Variants in C2CD2 observed in about 807,000 individuals in gnomAD.
C2CD2 encodes the protein C2 domain-containing protein 2.
In C2CD2, 43 loss-of-function variants were observed where a neutral mutation model predicts 74.3. The ratio of observed to expected loss-of-function variants is 0.58; its 90% confidence interval spans 0.45 to 0.75. The LOEUF (loss-of-function observed/expected upper bound fraction) is 0.75. C2CD2 is among the 30% of genes least tolerant of loss of function. C2CD2 has a pLI of 0.00. For missense variants in C2CD2, 801 were observed against 916.3 expected (o/e 0.87, Z 1.63); for synonymous variants, 422 against 390.7 (o/e 1.08, Z -0.94).
At chr21:41,948,870 CTTTTTTT>C (rs967927171) in intron 1 of C2CD2, among the ~76,000 whole-genome samples, 2 of 80,684 alleles carry the variant, frequency 2.5e-5, no homozygotes, top group African/African-American at 4.3e-5. Context: ...CACACAGCAT[CTTTTTTT>C]TTTTTTTTTT....
rs1448353989 is a variant in C2CD2, at chr21:41,945,200, T to C, written c.280-2955A>G. 6.6e-6 allele frequency among the ~76,000 whole-genome samples: 1 copy of C among 152,216 alleles called. No homozygotes were observed. The highest frequency in any genetic ancestry group is 1.5e-5 in the Non-Finnish European group (1 of 68,040). On this transcript the variant is annotated intron_variant, in intron 1 of 13. Coordinates refer to ENST00000380486, the MANE Select transcript of C2CD2 (RefSeq NM_015500.2). The surrounding 1 kb of genome is among the most constrained non-coding windows in gnomAD (Gnocchi z 4.2). ...AGTGAAAAAACTAAAATGAACTCTGTACCGTTGGACTAGAACCCAAGGTAC... is the reference window on the plus strand; with the variant it reads ...AGTGAAAAAACTAAAATGAACTCTGCACCGTTGGACTAGAACCCAAGGTAC...
chr21:41,909,480 C>T lies in C2CD2; in HGVS notation c.997G>A (p.Glu333Lys). 1 of 1,613,788 alleles carries T rather than the reference C, an allele frequency of 6.2e-7. No individual in the cohort carries two copies. The highest frequency in any genetic ancestry group is 8.5e-7 in the Non-Finnish European group (1 of 1,179,706). Residue 333 changes from glutamate (E) to lysine (K), a missense_variant, in exon 8 of 14, where the codon GAG (glutamate) becomes AAG (lysine). Glu to Lys is a moderately conservative substitution (Grantham distance 56). Coordinates refer to ENST00000380486, the MANE Select transcript of C2CD2 (RefSeq NM_015500.2). The stretch of plus-strand genomic sequence containing the variant: ...CCACCTTCTGAGGATCGCCCAGCCT[C>T]TGAAATCTGCAGGTGTAACTCCTTC... ...KSKELHLQISEAGRSSEGLLA... is the reference protein window; with the variant it reads ...KSKELHLQISKAGRSSEGLLA...
chr21:41,910,479 T>C (rs1205010831), intron 7 of C2CD2, among the ~76,000 whole-genome samples: 1 of 152,180 alleles, frequency 6.6e-6, no homozygotes, highest in Non-Finnish European at 1.5e-5. Flanking sequence ...ACACCTCCAA[T>C]GCCATTATCA....
chr21:41,902,793 C>CA (rs11284396), intron 11 of C2CD2, among the ~76,000 whole-genome samples: 1,477 of 145,768 alleles, frequency 0.01, 27 homozygotes, highest in African/African-American at 0.034. Context: ...GCACAGAGAA[C>CA]AAAAAAAAAA....
intron 2 of C2CD2, among the ~76,000 whole-genome samples, chr21:41,931,203 T>C (rs2065258512): frequency 6.6e-6 from 1 of 150,438 alleles, no homozygotes; most frequent in Non-Finnish European, 1.5e-5. Flanking sequence ...CACTGGAGCC[T>C]GCTCACAGCA....
At chr21:41,912,619 T>C (rs935254932) in intron 6 of C2CD2, among the ~76,000 whole-genome samples, 179 bp from the exon 7 acceptor site, 3 of 152,056 alleles carry the variant, frequency 2.0e-5, no homozygotes, top group Non-Finnish European at 4.4e-5. Flanking sequence ...GCTTCCCGAG[T>C]ATCTGGGATT....
In C2CD2 at chr21:41,953,295, CT is replaced by C. The variant is rs1480116501; in HGVS notation, c.279+74del. 5 of 1,054,654 alleles carry C rather than the reference CT, an allele frequency of 4.7e-6. No individual in the cohort carries two copies. In the Admixed American group the frequency reaches 1.2e-4, roughly 26 times the overall value. The allele number at this position is 1,054,654 out of a possible 1,614,324, so 65.3% of individuals were successfully genotyped here. A position where few individuals can be genotyped will look rare whatever the true frequency, so the allele number is the denominator to read the frequency against. ...CCTGGGTCAGGGGCTGCAGCGACGCCTCCAGGAAAGACCTCGGCCCGGACCG... is the reference window on the plus strand; with the variant it reads ...CCTGGGTCAGGGGCTGCAGCGACGCCCCAGGAAAGACCTCGGCCCGGACCG... On this transcript the variant is annotated intron_variant, in intron 1 of 13. Coordinates refer to ENST00000380486, the MANE Select transcript of C2CD2 (RefSeq NM_015500.2).
rs201890606 is a variant in C2CD2, at chr21:41,895,833, G to GA, written c.1870+3219dup. Among the ~76,000 whole-genome samples, 270 of 147,614 alleles carry GA rather than the reference G, an allele frequency of 1.8e-3. 3 individuals are homozygous for GA. The highest frequency in any genetic ancestry group is 4.3e-3 in the African/African-American group (174 of 40,374). On this transcript the variant is annotated intron_variant, in intron 13 of 13. Coordinates refer to ENST00000380486, the MANE Select transcript of C2CD2 (RefSeq NM_015500.2). This position sits in a 1 kb window ranked among gnomAD's most constrained non-coding sequence, Gnocchi z 5.0. The stretch of plus-strand genomic sequence containing the variant: ...CCAGCAGAAAGAAAAACAATGACCA[G>GA]AAAAAAAAAACAATTGTCTTTGGCT...
chr21:41,934,993 G>A (rs1433044184), intron 2 of C2CD2, among the ~76,000 whole-genome samples: 1 of 152,172 alleles, frequency 6.6e-6, no homozygotes, highest in East Asian at 1.9e-4. Flanking sequence ...CCAGGTTCAA[G>A]CAATTCTCCT....
intron 7 of C2CD2, among the ~76,000 whole-genome samples, chr21:41,911,388 C>CT (rs58934224): frequency 0.046 from 5,350 of 116,738 alleles, 250 homozygotes; most frequent in South Asian, 0.098. Flanking sequence ...TATCTCGATT[C>CT]TTTTTTTTTT....
chr21:41,916,266 T>A (rs909699610), intron 5 of C2CD2, among the ~76,000 whole-genome samples: 1 of 152,136 alleles, frequency 6.6e-6, no homozygotes, highest in African/African-American at 2.4e-5. Context: ...TGCCCAGATA[T>A]CTGGTCCAAC....
At chr21:41,933,305 C>T (rs1177383785) in intron 2 of C2CD2, among the ~76,000 whole-genome samples, 2 of 133,842 alleles carry the variant, frequency 1.5e-5, no homozygotes, top group Non-Finnish European at 3.5e-5. Flanking sequence ...TGAGGGAACA[C>T]GAGGCGGTGC....
At position 41,926,103 on chromosome 21, in the gene C2CD2, C is replaced by G. The variant is rs2065208365; in HGVS notation, c.379-4018G>C. 6.6e-6 allele frequency among the ~76,000 whole-genome samples: 1 copy of G among 152,168 alleles called. No homozygotes were observed. The highest frequency in any genetic ancestry group is 1.5e-5 in the Non-Finnish European group (1 of 68,034). ...CAGTGACAGTGAACTCCTCAGAGGA[C>G]AGGAGTGAACCCCCAGCCCCAGGGA... On this transcript the variant is annotated intron_variant, in intron 2 of 13. Transcript: ENST00000380486. This position sits in a 1 kb window ranked among gnomAD's most constrained non-coding sequence, Gnocchi z 8.0.
intron 13 of C2CD2, among the ~76,000 whole-genome samples, chr21:41,893,170 T>A (rs1422876419): frequency 6.6e-6 from 1 of 152,186 alleles, no homozygotes; most frequent in Non-Finnish European, 1.5e-5. Flanking sequence ...AAATTAAACT[T>A]TTTTTAAAAG....
intron 2 of C2CD2, among the ~76,000 whole-genome samples, chr21:41,936,219 C>A (rs2065306292): frequency 6.6e-6 from 1 of 152,058 alleles, no homozygotes; most frequent in Admixed American, 6.6e-5. Flanking sequence ...CGGTTAATAT[C>A]CAAAATAAAT....
chr21:41,905,693 A>C, intron 11 of C2CD2, 31 bp downstream of exon 11: 1 of 1,146,802 alleles, frequency 8.7e-7, no homozygotes, highest in South Asian at 1.3e-5. Context: ...AGGTGCTAAG[A>C]GGGAGAGCGA....
rs778628631 is a variant in C2CD2 at position 41,939,371 on chromosome 21, C to G, written c.378+2776G>C. Among the ~76,000 whole-genome samples, 14 of 152,148 alleles carry G rather than the reference C, an allele frequency of 9.2e-5. No homozygotes were observed. Among genetic ancestry groups the G allele is most frequent in the Non-Finnish European group, 1.2e-4 (8 of 68,042 alleles). ...TTCCACAGCCCCGCTTCCTCCACTC[C>G]CTGTCCAGACCAGCCCTGAACATTC... On this transcript the variant is annotated intron_variant, in intron 2 of 13. Transcript: ENST00000380486. The surrounding 1 kb of genome is among the most constrained non-coding windows in gnomAD (Gnocchi z 5.5).
chr21:41,885,852 C>T lies in C2CD2; in HGVS notation c.*3272G>A, dbSNP rs1458647417. On this transcript the variant is annotated 3_prime_UTR_variant, in exon 14 of 14. Transcript: ENST00000380486. ...CGGGCACCAGGTGGCCACTGAGTGGCGACTGGTCGAGTAGCAGTTGGTCAT... is the reference window on the plus strand; with the variant it reads ...CGGGCACCAGGTGGCCACTGAGTGGTGACTGGTCGAGTAGCAGTTGGTCAT... The T allele has an allele frequency of 2.6e-5, 4 of 152,332 alleles. No homozygotes were observed. The highest frequency in any genetic ancestry group is 2.0e-4 in the Admixed American group (3 of 15,280). 9.4% of individuals were successfully genotyped at this position (152,332 alleles called of 1,614,324 possible).
At chr21:41,918,068 G>A in intron 5 of C2CD2, 37 bp downstream of exon 5, 2 of 1,612,832 alleles carry the variant, frequency 1.2e-6, no homozygotes, top group Non-Finnish European at 1.7e-6. Context: ...GTGCCTAACG[G>A]GGTTCAGATG....
Sources: gnomAD v4.1 joint callset for allele counts (sites outside exome capture counted in the v4.1 genomes callset) on GRCh38, gnomAD v4.1.1 for gene constraint, Gnocchi (gnomAD v3.1) non-coding constraint, MANE v1.5 for transcripts, NCBI Gene and HGNC (gene_info 2026-07-23, HGNC 2026-07-21) for gene names.